SIPA1L3: variants seen among roughly 807,000 people sequenced by gnomAD.
SIPA1L3 encodes signal induced proliferation associated 1 like 3.
SIPA1L3 carries 59 observed loss-of-function variants against 150.1 expected under a neutral mutation model. The observed-to-expected ratio is 0.39, with a 90% CI of 0.32 to 0.49. SIPA1L3 has a LOEUF of 0.49. SIPA1L3 is among the 20% of genes least tolerant of loss of function. The probability of loss-of-function intolerance (pLI) is 0.86; values close to 1 mark genes in which losing one functional copy is unlikely to be tolerated. For synonymous variants in SIPA1L3, 1,070 were observed against 1,077.6 expected (o/e 0.99, Z 0.14); for missense variants, 2,211 against 2,489.5 (o/e 0.89, Z 2.38).
chr19:37,916,483 A>T lies in SIPA1L3; in HGVS notation c.-379+9125A>T, dbSNP rs149791227. ...GGATACAGTGAGCTATGATCACACC[A>T]CTCTGTGTCTAAAAAAAAAAAAAAA... is the stretch of plus-strand genomic sequence containing the variant. On this transcript the variant is annotated intron_variant, in intron 1 of 21. Transcript: ENST00000222345. Among the ~76,000 whole-genome samples, 606 of 126,448 alleles carry T rather than the reference A, an allele frequency of 4.8e-3. 4 individuals are homozygous for T. The highest frequency in any genetic ancestry group is 0.018 in the African/African-American group (565 of 32,266). 83.0% of individuals were successfully genotyped at this position (126,448 alleles called of 152,430 possible). A position where few individuals can be genotyped will look rare whatever the true frequency, so the allele number is the denominator to read the frequency against.
intron 1 of SIPA1L3, among the ~76,000 whole-genome samples, chr19:38,020,484 C>G (rs145258000): frequency 2.0e-5 from 3 of 152,150 alleles, no homozygotes; most frequent in African/African-American, 7.2e-5. Context: ...TTTTCATAGG[C>G]GTTCAGGAAG....
chr19:38,167,831 C>T (rs1259299998), intron 15 of SIPA1L3, among the ~76,000 whole-genome samples: 1 of 152,186 alleles, frequency 6.6e-6, no homozygotes, highest in Non-Finnish European at 1.5e-5. Flanking sequence ...TCTCAAAATG[C>T]TGGGATTACA....
intron 1 of SIPA1L3, among the ~76,000 whole-genome samples, chr19:37,931,378 C>T (rs1181556156): frequency 6.6e-6 from 1 of 152,068 alleles, no homozygotes; most frequent in Non-Finnish European, 1.5e-5. Context: ...CTCACTGACT[C>T]TTCATCCCAT....
rs572759177 is a variant in SIPA1L3, at chr19:38,164,874, G to A, written c.4176G>A (p.Ala1392=). ...SSGSSTPTGL[A]GGSRDPPRQP... is the part of the protein sequence containing the mutation. Reference sequence around the variant, plus strand: ...GCTCCAGCACCCCCACGGGACTGGCGGGGGGCAGCCGAGACCCACCGAGGC... The same window carrying A: ...GCTCCAGCACCCCCACGGGACTGGCAGGGGGCAGCCGAGACCCACCGAGGC... The change falls in exon 15 of 22, where the codon GCG becomes GCA. Residue 1392 remains alanine (A), a synonymous_variant. Coordinates refer to ENST00000222345, the MANE Select transcript of SIPA1L3 (RefSeq NM_015073.3). The surrounding 1 kb of genome is among the most constrained non-coding windows in gnomAD (Gnocchi z 4.1). The A allele has an allele frequency of 2.6e-6, 4 of 1,566,422 alleles. No homozygotes were observed. The highest frequency in any genetic ancestry group is 2.3e-5 in the East Asian group (1 of 44,290).
Position 38,046,705 on chromosome 19 carries a change from C to T in SIPA1L3, c.-311+17549C>T, listed in dbSNP as rs1468161965. On this transcript the variant is annotated intron_variant, in intron 2 of 21. Coordinates refer to ENST00000222345, the MANE Select transcript of SIPA1L3 (RefSeq NM_015073.3). The surrounding 1 kb of genome is among the most constrained non-coding windows in gnomAD (Gnocchi z 5.6). ...TTTCCGGGTGTGGAGGGGCCCAGGTCCCCCGAGCAGCTCCTCTGACCCCGC... is the reference window on the plus strand; with the variant it reads ...TTTCCGGGTGTGGAGGGGCCCAGGTTCCCCGAGCAGCTCCTCTGACCCCGC... Among the ~76,000 whole-genome samples the T allele has an allele frequency of 6.6e-6, 1 of 152,170 alleles. No homozygotes were observed. Among genetic ancestry groups the T allele is most frequent in the Non-Finnish European group, 1.5e-5 (1 of 68,012 alleles).
chr19:38,000,876 T>TA (rs1393471724), intron 1 of SIPA1L3, among the ~76,000 whole-genome samples: 42 of 130,714 alleles, frequency 3.2e-4, no homozygotes, highest in Admixed American at 1.4e-3. Flanking sequence ...TTCCAAGTTT[T>TA]TTATATATAT....
intron 19 of SIPA1L3, chr19:38,200,403 C>T (rs1200228274): frequency 6.6e-6 from 1 of 152,198 alleles, no homozygotes; most frequent in Non-Finnish European, 1.5e-5. Flanking sequence ...ACCAGGTTTC[C>T]TAAGGACAGG....
At chr19:37,913,506 C>T (rs1379043256) in intron 1 of SIPA1L3, among the ~76,000 whole-genome samples, 1 of 152,162 alleles carries the variant, frequency 6.6e-6, no homozygotes, top group Non-Finnish European at 1.5e-5. Context: ...AGCCCATCTC[C>T]TGCCTCAGGC....
intron 1 of SIPA1L3, among the ~76,000 whole-genome samples, chr19:37,962,692 A>G (rs1021023015): frequency 4.6e-5 from 7 of 151,508 alleles, no homozygotes; most frequent in Non-Finnish European, 7.4e-5. Context: ...GGGTCTTCCT[A>G]TCTTGTCCAG....
intron 1 of SIPA1L3, among the ~76,000 whole-genome samples, chr19:37,968,085 C>CTTTCTTTCTTTCTTTCTTTCTTTA (rs2046921060): frequency 7.0e-6 from 1 of 142,734 alleles, no homozygotes; most frequent in African/African-American, 2.5e-5. Context: ...TTCTTTCTTT[C>CTTTCTTTCTTTCTTTCTTTCTTTA]TTTTTTTGAG....
chr19:38,142,445 C>A, intron 11 of SIPA1L3, 128 bp from the exon 12 acceptor site: 2 of 1,023,418 alleles, frequency 2.0e-6, no homozygotes, highest in Non-Finnish European at 2.8e-6. Flanking sequence ...TGTGGCTGGG[C>A]GGGGGAAAGT....
At chr19:38,167,651 C>T (rs1972240301) in intron 15 of SIPA1L3, among the ~76,000 whole-genome samples, 1 of 152,150 alleles carries the variant, frequency 6.6e-6, no homozygotes. Context: ...TAGCCTCGAA[C>T]TCCTCAGCTC....
chr19:37,960,966 T>G (rs1253265752), intron 1 of SIPA1L3, among the ~76,000 whole-genome samples: 1 of 151,998 alleles, frequency 6.6e-6, no homozygotes, highest in Non-Finnish European at 1.5e-5. Flanking sequence ...CCTCCTGGGT[T>G]GAAGGGATCC....
chr19:37,992,074 G>A (rs1395121055), intron 1 of SIPA1L3, among the ~76,000 whole-genome samples: 1 of 34,912 alleles, frequency 2.9e-5, no homozygotes, highest in Non-Finnish European at 5.0e-5. Flanking sequence ...CGTGGCTAGA[G>A]GCAGGGCCTG....
intron 2 of SIPA1L3, among the ~76,000 whole-genome samples, chr19:38,032,743 A>G (rs1036528267): frequency 7.9e-5 from 12 of 152,042 alleles, no homozygotes; most frequent in Admixed American, 5.9e-4. Context: ...AATCCTAGCT[A>G]CTTGAGAGGC....
intron 1 of SIPA1L3, among the ~76,000 whole-genome samples, chr19:37,945,032 C>T (rs2046697662): frequency 6.6e-6 from 1 of 152,158 alleles, no homozygotes; most frequent in Non-Finnish European, 1.5e-5. Context: ...CTTAAATGTG[C>T]TCAGAACACC....
At chr19:38,194,899 A>AAAT (rs998069801) in intron 18 of SIPA1L3, among the ~76,000 whole-genome samples, 34 of 152,132 alleles carry the variant, frequency 2.2e-4, no homozygotes, top group African/African-American at 7.5e-4. Flanking sequence ...AAAAATACAA[A>AAAT]AATTAGCTGG....
At chr19:37,907,653 A>G (rs1326033933) in intron 1 of SIPA1L3, 2 of 152,212 alleles carry the variant, frequency 1.3e-5, no homozygotes, top group Non-Finnish European at 1.5e-5. Context: ...CCGAACCTCA[A>G]TTTCCCCTGC....
chr19:38,138,454 A>G (rs1029537295), intron 10 of SIPA1L3, among the ~76,000 whole-genome samples: 1 of 152,202 alleles, frequency 6.6e-6, no homozygotes, highest in Non-Finnish European at 1.5e-5. Flanking sequence ...CACGTAGCCG[A>G]CAAGACTAGG....
Sources: allele counts gnomAD v4.1 joint callset (sites outside exome capture counted in the v4.1 genomes callset), GRCh38; gene constraint gnomAD v4.1.1; non-coding constraint Gnocchi (gnomAD v3.1); transcripts MANE v1.5; gene names NCBI Gene and HGNC (gene_info 2026-07-23, HGNC 2026-07-21).